Variants in HDAC5 observed in about 807,000 individuals in gnomAD.
The protein encoded by HDAC5 is antigen NY-CO-9.
A neutral mutation model predicts 133.3 loss-of-function variants in HDAC5; 25 were observed. The ratio of observed to expected loss-of-function variants is 0.19; its 90% CI spans 0.14 to 0.26. The LOEUF (loss-of-function observed/expected upper bound fraction) is 0.26. Ranked by LOEUF, HDAC5 falls within the 10% of genes least tolerant of loss-of-function variation. The probability of loss-of-function intolerance (pLI) is 1.00; values close to 1 mark genes in which losing one functional copy is unlikely to be tolerated. For missense variants in HDAC5, 1,041 were observed against 1,460.5 expected (o/e 0.71, Z 4.68); for synonymous variants, 589 against 610.8 (o/e 0.96, Z 0.53).
At chr17:44,106,036 A>G (rs2051917686) in intron 3 of HDAC5, among the ~76,000 whole-genome samples, 1 of 152,144 alleles carries the variant, frequency 6.6e-6, no homozygotes, top group Non-Finnish European at 1.5e-5. Context: ...GATGCGACCA[A>G]AAGTTTGAGA....
rs757369977 is a variant in HDAC5, at chr17:44,097,180, C to A, written c.95-3346G>T. Reference sequence around the variant, plus strand: ...GGCAGGAGCAAGGCCTGCTGGAGGCCGAGGCCAAGGCCATGCCACCCACAT... The same window carrying A: ...GGCAGGAGCAAGGCCTGCTGGAGGCAGAGGCCAAGGCCATGCCACCCACAT... On this transcript the variant is annotated intron_variant, in intron 3 of 26. Coordinates refer to ENST00000682912, the MANE Select transcript of HDAC5 (RefSeq NM_005474.5). Among the ~76,000 whole-genome samples the A allele has an allele frequency of 2.6e-5, 4 of 152,252 alleles. No homozygotes were observed. The East Asian group carries it at 5.8e-4, about 22-fold the overall frequency.
intron 19 of HDAC5, 40 bp from the exon 20 acceptor site, chr17:44,082,712 T>C (rs2050454032): frequency 6.2e-7 from 1 of 1,611,488 alleles, no homozygotes; most frequent in African/African-American, 1.3e-5. Context: ...AGCCTCAGCA[T>C]GACGTTTGCA....
At chr17:44,096,478 T>G (rs1473697239) in intron 3 of HDAC5, among the ~76,000 whole-genome samples, 1 of 150,592 alleles carries the variant, frequency 6.6e-6, no homozygotes, top group Non-Finnish European at 1.5e-5. Context: ...TTTTTTTGTT[T>G]TTTTTTTTTT....
chr17:44,086,659 C>G lies in HDAC5; in HGVS notation c.1963G>C (p.Ala655Pro). 2.4e-5 allele frequency: 31 copies of G among 1,300,604 alleles called. No individual in the cohort carries two copies. Among genetic ancestry groups the G allele is most frequent in the Non-Finnish European group, 3.0e-5 (31 of 1,016,960 alleles). The allele number at this position is 1,300,604 out of a possible 1,614,324, so 80.6% of individuals were successfully genotyped here. A position where few individuals can be genotyped will look rare whatever the true frequency, so the allele number is the denominator to read the frequency against. The part of the protein sequence containing the change: ...PLSLATVPHQ[A>P]LGRTQSSPAA... ...GGGGAGGACTGGGTACGGCCCAGGG[C>G]CTGGTGGGGCACAGTGGCCAGGCTG... is the stretch of plus-strand genomic sequence containing the variant. The change falls in exon 14 of 27, where the codon GCC becomes CCC. Residue 655 changes from alanine (A) to proline (P), a missense_variant. By Grantham distance (27) the Ala-to-Pro change is conservative. Transcript: ENST00000682912.
intron 3 of HDAC5, among the ~76,000 whole-genome samples, chr17:44,098,230 G>A (rs79151004): frequency 0.015 from 2,356 of 152,348 alleles, 80 homozygotes; most frequent in African/African-American, 0.053. Context: ...CTCTCTCAAG[G>A]ATCTGTGCCC....
intron 1 of HDAC5, chr17:44,119,991 C>G (rs502298): frequency 3.3e-5 from 5 of 152,396 alleles, no homozygotes; most frequent in African/African-American, 1.2e-4. Context: ...AGACAGACCC[C>G]TACCCCACTC....
chr17:44,094,498 G>A (rs140198190), intron 3 of HDAC5, among the ~76,000 whole-genome samples: 86 of 151,896 alleles, frequency 5.7e-4, no homozygotes, highest in African/African-American at 2.0e-3. Context: ...TTAGCTGGGC[G>A]TGGTGGCACA....
Position 44,110,808 on chromosome 17 carries a change from G to A in HDAC5, c.23-8C>T. The A allele has an allele frequency of 6.2e-7, 1 of 1,612,114 alleles. No individual in the cohort carries two copies. Among genetic ancestry groups the A allele is most frequent in the South Asian group, 1.1e-5 (1 of 90,740 alleles). On this transcript the variant is annotated splice_polypyrimidine_tract_variant and splice_region_variant and intron_variant, in intron 2 of 26. Transcript: ENST00000682912. ...CCCGACCTGACATCCCATCTGCTGA[G>A]AAACAGGATTCTGTCTCATAGATGG...
In HDAC5 at chr17:44,091,428, C is replaced by T. The variant is rs751865016; in HGVS notation, c.1229G>A (p.Gly410Asp). ...CATGAACTTGCCGGTCAGCGTGCCA[C>T]CCTGCCGCAGGGACTGGAGGGCCTG... The part of the protein sequence containing the change: ...ERQALQSLRQ[G>D]GTLTGKFMST... The change falls in exon 11 of 27, where the codon GGT becomes GAT. Residue 410 changes from glycine to aspartate, a missense_variant. Transcript: ENST00000682912. 6.4e-7 allele frequency: 1 copy of T among 1,558,494 alleles called. No homozygotes were observed. The highest frequency in any genetic ancestry group is 8.7e-7 in the Non-Finnish European group (1 of 1,151,922).
At chr17:44,111,464 G>T in intron 2 of HDAC5, 1 of 420,050 alleles carries the variant, frequency 2.4e-6, no homozygotes, top group Non-Finnish European at 4.8e-6. Flanking sequence ...GGCTGGGGAA[G>T]GGCGCCGGCC....
intron 23 of HDAC5, among the ~76,000 whole-genome samples, chr17:44,079,705 G>A (rs1463854307): frequency 1.3e-5 from 2 of 149,536 alleles, no homozygotes; most frequent in Non-Finnish European, 3.0e-5. Flanking sequence ...GGGACAAATA[G>A]CACAAAATGT....
chr17:44,099,226 A>C (rs2051441964), intron 3 of HDAC5, among the ~76,000 whole-genome samples: 2 of 152,176 alleles, frequency 1.3e-5, no homozygotes, highest in South Asian at 4.1e-4. Flanking sequence ...GGGAATCGAG[A>C]GGCCAGTAGA....
At position 44,110,785 on chromosome 17, in the gene HDAC5, C is replaced by G. The variant is rs761270583; in HGVS notation, c.38G>C (p.Arg13Pro). ...SPNESDGMSG[R>P]EPSLEILPRT... Reference sequence around the variant, plus strand: ...CGGCAGGATTTCCAAGGATGGTTCCCGACCTGACATCCCATCTGCTGAGAA... The same window carrying G: ...CGGCAGGATTTCCAAGGATGGTTCCGGACCTGACATCCCATCTGCTGAGAA... Residue 13 changes from arginine to proline, a missense_variant, in exon 3 of 27, where the codon CGG becomes CCG. Arg to Pro is a moderately radical substitution (Grantham distance 103, BLOSUM62 -2). This residue lies in a region of HDAC5 where 93 missense variants were observed against 98.8 expected (regional missense o/e 0.94). Transcript: ENST00000682912. 6.2e-7 allele frequency: 1 copy of G among 1,613,600 alleles called. No individual in the cohort carries two copies. Among genetic ancestry groups the G allele is most frequent in the Non-Finnish European group, 8.5e-7 (1 of 1,179,818 alleles).
At position 44,123,599 on chromosome 17, in the gene HDAC5, G is replaced by T; in HGVS notation, c.-285C>A. The stretch of plus-strand genomic sequence containing the variant: ...TCCTCGACGGCTCCTCCATCTTTGC[G>T]GCGGCTCCTCCGGCTCCGCTCGCCG... On this transcript the variant is annotated 5_prime_UTR_variant, in exon 1 of 27. Coordinates refer to ENST00000682912, the MANE Select transcript of HDAC5 (RefSeq NM_005474.5). 1 of 397,756 alleles carries T rather than the reference G, an allele frequency of 2.5e-6. No individual in the cohort carries two copies. Among genetic ancestry groups the T allele is most frequent in the Non-Finnish European group, 4.4e-6 (1 of 225,778 alleles). 24.6% of individuals were successfully genotyped at this position (397,756 alleles called of 1,614,324 possible). A position where few individuals can be genotyped will look rare whatever the true frequency, so the allele number is the denominator to read the frequency against.
Position 44,083,607 on chromosome 17 carries a change from C to A in HDAC5, c.2401G>T (p.Val801Leu). 6.2e-7 allele frequency: 1 copy of A among 1,614,176 alleles called. No homozygotes were observed. The highest frequency in any genetic ancestry group is 1.1e-5 in the South Asian group (1 of 91,088). ...AGCAGGCAGCCCACTGCCATGCGCA[C>A]AGCACTGGAGGAGTGCATCTCATTC... ...VWNEMHSSSA[V>L]RMAVGCLLEL... The change falls in exon 18 of 27, where the codon GTG (valine) becomes TTG (leucine). Residue 801 changes from valine to leucine, a missense_variant. Val to Leu is a conservative substitution (Grantham distance 32, BLOSUM62 1). Around this residue, in one of 9 missense-constraint regions of HDAC5, gnomAD observed 174 missense variants for 352.7 expected, o/e 0.49. Coordinates refer to ENST00000682912, the MANE Select transcript of HDAC5 (RefSeq NM_005474.5).
At chr17:44,104,564 G>A (rs1327664193) in intron 3 of HDAC5, among the ~76,000 whole-genome samples, 3 of 152,196 alleles carry the variant, frequency 2.0e-5, no homozygotes, top group Non-Finnish European at 4.4e-5. Flanking sequence ...GTCGATGCCA[G>A]AGGAGGAATC....
intron 3 of HDAC5, among the ~76,000 whole-genome samples, chr17:44,104,750 C>A: frequency 6.6e-6 from 1 of 152,146 alleles, no homozygotes; most frequent in Admixed American, 6.5e-5. Context: ...GCTCTCGGGG[C>A]CCCCAGCTGC....
At chr17:44,097,575 G>A (rs2051347521) in intron 3 of HDAC5, among the ~76,000 whole-genome samples, 1 of 152,268 alleles carries the variant, frequency 6.6e-6, no homozygotes, top group African/African-American at 2.4e-5. Flanking sequence ...CCCAGCCCGT[G>A]AAGTGCTCAG....
Position 44,110,895 on chromosome 17 carries a change from G to T in HDAC5, c.23-95C>A, listed in dbSNP as rs753694366. On this transcript the variant is annotated intron_variant, in intron 2 of 26. Transcript: ENST00000682912. ...CCAGCAGCATGCCAGGGAGGGGGCCGCCAGAGGCGGGGAGCAGACCGAAGG... is the reference window on the plus strand; with the variant it reads ...CCAGCAGCATGCCAGGGAGGGGGCCTCCAGAGGCGGGGAGCAGACCGAAGG... The T allele has an allele frequency of 3.8e-6, 4 of 1,063,350 alleles. No individual in the cohort carries two copies. In the African/African-American group the frequency reaches 4.7e-5, roughly 12 times the overall value. 65.9% of individuals were successfully genotyped at this position (1,063,350 alleles called of 1,614,324 possible). A position where few individuals can be genotyped will look rare whatever the true frequency, so the allele number is the denominator to read the frequency against.
Sources: allele counts gnomAD v4.1 joint callset (sites outside exome capture counted in the v4.1 genomes callset), GRCh38; gene constraint gnomAD v4.1.1; regional missense constraint gnomAD v4.1.1; transcripts MANE v1.5; gene names NCBI Gene and HGNC (gene_info 2026-07-23, HGNC 2026-07-21).